Variants in USP48 observed in about 807,000 individuals in gnomAD.
The protein encoded by USP48 is ubiquitin specific peptidase 48.
Under a neutral mutation model 150.7 loss-of-function variants are expected in USP48, and 43 were observed. The observed-to-expected ratio is 0.29, with a 90% CI of 0.22 to 0.37. The LOEUF is 0.37. Ranked by LOEUF, USP48 falls within the 10% of genes least tolerant of loss-of-function variation. The pLI is 1.00. For missense variants in USP48, 813 were observed against 1,249.6 expected (o/e 0.65, Z 5.27); for synonymous variants, 396 against 425.9 (o/e 0.93, Z 0.86).
chr1:21,741,667 G>A (rs2097781993), intron 8 of USP48, among the ~76,000 whole-genome samples: 1 of 152,060 alleles, frequency 6.6e-6, no homozygotes. Context: ...TTTTAAAAAA[G>A]GTAGAACTAA....
In USP48 at chr1:21,681,008, CTGTTTT is replaced by C. The variant is rs1283885879; in HGVS notation, c.3059-180_3059-175del. Reference sequence around the variant, plus strand: ...ACTAATTTCAGAACAATCTTTGTTTCTGTTTTTATCAAAGCAATACGTATGCATCAT... The same window carrying C: ...ACTAATTTCAGAACAATCTTTGTTTCTATCAAAGCAATACGTATGCATCAT... On this transcript the variant is annotated intron_variant, in intron 25 of 26. Coordinates refer to ENST00000308271, the MANE Select transcript of USP48 (RefSeq NM_032236.8). 1.2e-5 allele frequency: 7 copies of C among 571,726 alleles called. No individual in the cohort carries two copies. In the Admixed American group the frequency reaches 2.6e-4, roughly 21 times the overall value. The allele number at this position is 571,726 out of a possible 1,614,324, so 35.4% of individuals were successfully genotyped here.
chr1:21,687,627 G>A lies in USP48; in HGVS notation c.3010-388C>T, dbSNP rs79791997. ...ATAAAAAGTTATACTGGTCCTCTCA[G>A]AATACCAATTAGGTTAAAATTATAC... On this transcript the variant is annotated intron_variant, in intron 24 of 26. Transcript: ENST00000308271. 5.2e-3 allele frequency among the ~76,000 whole-genome samples: 786 copies of A among 152,322 alleles called. 6 individuals carry two copies. Among genetic ancestry groups the A allele is most frequent in the African/African-American group, 0.018 (733 of 41,572 alleles).
chr1:21,724,333 C>G (rs914283626), intron 11 of USP48: 1 of 599,196 alleles, frequency 1.7e-6, no homozygotes, highest in Non-Finnish European at 3.0e-6. Context: ...CCTATGAGAT[C>G]GGCTGGTATT....
intron 22 of USP48, among the ~76,000 whole-genome samples, chr1:21,698,781 G>A (rs949417499): frequency 1.3e-5 from 2 of 151,968 alleles, no homozygotes; most frequent in Non-Finnish European, 1.5e-5. Context: ...TGTAGTCCCC[G>A]TTACTGGGGA....
intron 15 of USP48, among the ~76,000 whole-genome samples, chr1:21,712,178 G>A (rs2097692014): frequency 6.6e-6 from 1 of 152,162 alleles, no homozygotes; most frequent in Admixed American, 6.5e-5. Flanking sequence ...GGCCAACATG[G>A]CAAAACCCCA....
At chr1:21,694,294 C>T (rs1013672359) in intron 23 of USP48, among the ~76,000 whole-genome samples, 5 of 152,026 alleles carry the variant, frequency 3.3e-5, no homozygotes, top group East Asian at 1.9e-4. Context: ...CTATCAAGGC[C>T]GGGCGCGGTG....
At chr1:21,681,029 G>T in intron 25 of USP48, 195 bp from the exon 26 acceptor site, 1 of 497,592 alleles carries the variant, frequency 2.0e-6, no homozygotes, top group South Asian at 2.5e-5. Flanking sequence ...AAAGCAATAC[G>T]TATGCATCAT....
chr1:21,693,439 CTGTT>C (rs2097609753), intron 23 of USP48, among the ~76,000 whole-genome samples: 1 of 152,168 alleles, frequency 6.6e-6, no homozygotes, highest in South Asian at 2.1e-4. Flanking sequence ...TTCTTTGACT[CTGTT>C]TGGCCCGCAG....
At position 21,721,652 on chromosome 1, in the gene USP48, C is replaced by G; in HGVS notation, c.1761G>C (p.Lys587Asn). 6.3e-7 allele frequency: 1 copy of G among 1,587,254 alleles called. No homozygotes were observed. The highest frequency in any genetic ancestry group is 1.1e-5 in the South Asian group (1 of 87,890). The change falls in exon 13 of 27, where the codon AAG becomes AAC. Residue 587 changes from lysine (K) to asparagine (N), a missense_variant and splice_region_variant. By Grantham distance (94) the Lys-to-Asn change is moderately conservative (BLOSUM62 0). Transcript: ENST00000308271. ...TVNNLLKAAV[K>N]GSDGFWVGKS... ...ACAATGTACACTGTGCAACATACCC[C>G]TTTACTGCTGCTTTCAGCAGATTAT... is the stretch of plus-strand genomic sequence containing the variant.
intron 11 of USP48, 88 bp from the exon 12 acceptor site, chr1:21,724,183 A>C: frequency 1.5e-6 from 2 of 1,292,644 alleles, no homozygotes; most frequent in Non-Finnish European, 2.2e-6. Context: ...AGACAATGCA[A>C]ACTCTGTCCA....
chr1:21,732,641 C>A (rs1220923744), intron 9 of USP48: 1 of 328,918 alleles, frequency 3.0e-6, no homozygotes, highest in South Asian at 2.5e-5. Flanking sequence ...CTATTTAGAG[C>A]TTTACAGTCA....
At chr1:21,724,370 C>T (rs1306770516) in intron 11 of USP48, 8 of 585,094 alleles carry the variant, frequency 1.4e-5, no homozygotes, top group Non-Finnish European at 2.1e-5. Context: ...AAGAGGCATC[C>T]ACATAGAGTC....
intron 1 of USP48, among the ~76,000 whole-genome samples, chr1:21,773,707 A>T (rs924354295): frequency 6.6e-6 from 1 of 152,152 alleles, no homozygotes; most frequent in African/African-American, 2.4e-5. Flanking sequence ...TTACCTCAGC[A>T]ATTTCTCATC....
chr1:21,755,175 T>C (rs1177736578), intron 3 of USP48, among the ~76,000 whole-genome samples: 1 of 152,206 alleles, frequency 6.6e-6, no homozygotes, highest in Non-Finnish European at 1.5e-5. Context: ...ATCTCCTTAC[T>C]ACCAACTGTG....
Position 21,715,447 on chromosome 1 carries a change from C to A in USP48, c.1905G>T (p.Lys635Asn). The change falls in exon 15 of 27, where the codon AAG (lysine) becomes AAT (asparagine). Residue 635 changes from lysine to asparagine, a missense_variant. Coordinates refer to ENST00000308271, the MANE Select transcript of USP48 (RefSeq NM_032236.8). ...NGSTLNKDESKEERKEEEELN... is the reference protein window; with the variant it reads ...NGSTLNKDESNEERKEEEELN... ...ATTCCTCCTCTTCTTTTCTTTCTTC[C>A]TTTGATTCATCTAATCAAAAGAAAT... The A allele has an allele frequency of 6.3e-7, 1 of 1,574,880 alleles. No individual in the cohort carries two copies. Among genetic ancestry groups the A allele is most frequent in the South Asian group, 1.1e-5 (1 of 89,914 alleles).
intron 1 of USP48, among the ~76,000 whole-genome samples, chr1:21,775,922 AAAAAG>A (rs1448189549): frequency 6.6e-6 from 1 of 152,228 alleles, no homozygotes; most frequent in African/African-American, 2.4e-5. Context: ...TAACTGTAAC[AAAAAG>A]AAATTGTAAC....
intron 1 of USP48, among the ~76,000 whole-genome samples, chr1:21,772,767 C>T (rs2097885268): frequency 6.8e-6 from 1 of 145,998 alleles, no homozygotes; most frequent in African/African-American, 2.5e-5. Flanking sequence ...ACTGAAAATA[C>T]AAATGTTAGC....
At position 21,680,329 on chromosome 1, in the gene USP48, C is replaced by T. The variant is rs574781093; in HGVS notation, c.3085+479G>A. Among the ~76,000 whole-genome samples the T allele has an allele frequency of 1.2e-4, 19 of 152,282 alleles. No homozygotes were observed. The South Asian group carries it at 3.3e-3, about 27-fold the overall frequency. ...GGCCCAGATGTAGTACGAGCACCAC[C>T]GTGTCTCCTCTTGAAGTAATAATCC... is the stretch of plus-strand genomic sequence containing the variant. On this transcript the variant is annotated intron_variant, in intron 26 of 26. Transcript: ENST00000308271.
chr1:21,782,782 T>C, intron 1 of USP48, 42 bp downstream of exon 1: 1 of 1,498,028 alleles, frequency 6.7e-7, no homozygotes, highest in Non-Finnish European at 8.9e-7. Context: ...CTTTCCAAGG[T>C]CCGGCGCGAG....
Sources: allele counts gnomAD v4.1 joint callset (sites outside exome capture counted in the v4.1 genomes callset), GRCh38; gene constraint gnomAD v4.1.1; transcripts MANE v1.5; gene names NCBI Gene and HGNC (gene_info 2026-07-23, HGNC 2026-07-21).